TBPL2: variants seen among roughly 807,000 people sequenced by gnomAD.
TBPL2 encodes TATA-box binding protein like 2, also known as TATA box-binding protein-like 2.
TBPL2 carries 40 observed loss-of-function variants against 38.2 expected under a neutral mutation model. The ratio of observed to expected loss-of-function variants is 1.05; its 90% CI spans 0.81 to 1.36. The LOEUF (loss-of-function observed/expected upper bound fraction) is 1.36. Ranked by LOEUF, TBPL2 falls within the 40% of genes most tolerant of loss-of-function variation. TBPL2 has a pLI of 0.00. For missense variants in TBPL2, 461 were observed against 456.7 expected, an observed-to-expected ratio of 1.01 and a Z score of -0.09; for synonymous variants, 169 against 171.7, an observed-to-expected ratio of 0.98 and a Z score of 0.12.
chr14:55,422,888 T>C (rs553531262), intron 6 of TBPL2, among the ~76,000 whole-genome samples: 1 of 151,980 alleles, frequency 6.6e-6, no homozygotes, highest in Admixed American at 6.6e-5. Context: ...ACAATATATA[T>C]AGCAACCTTC....
At chr14:55,417,914 C>T (rs367589089) in intron 6 of TBPL2, among the ~76,000 whole-genome samples, 3 of 152,208 alleles carry the variant, frequency 2.0e-5, no homozygotes, top group African/African-American at 7.2e-5. Context: ...CTACCTCTAA[C>T]TAGCTTTAAA....
chr14:55,420,380 GAGTCT>G (rs1281683223), intron 6 of TBPL2, among the ~76,000 whole-genome samples: 3 of 152,208 alleles, frequency 2.0e-5, no homozygotes, highest in Non-Finnish European at 4.4e-5. Flanking sequence ...CGGGTGAAAA[GAGTCT>G]AGAGACACAG....
At chr14:55,429,080 T>A in intron 4 of TBPL2, 106 bp from the exon 5 acceptor site, 1 of 1,382,362 alleles carries the variant, frequency 7.2e-7, no homozygotes, top group Non-Finnish European at 9.9e-7. Context: ...TCTTTCAATG[T>A]ATACTATGAA....
intron 2 of TBPL2, 47 bp from the exon 3 acceptor site, chr14:55,435,981 A>T (rs1480171008): frequency 6.0e-6 from 3 of 503,900 alleles, no homozygotes; most frequent in Non-Finnish European, 8.3e-6. Context: ...TATAAAGAGT[A>T]AAAAAAAAAA....
chr14:55,415,650 A>AG (rs763121598), intron 6 of TBPL2, among the ~76,000 whole-genome samples: 4 of 152,148 alleles, frequency 2.6e-5, no homozygotes, highest in Non-Finnish European at 5.9e-5. Flanking sequence ...GGATCACCTG[A>AG]GGTCAGGAGT....
intron 6 of TBPL2, among the ~76,000 whole-genome samples, chr14:55,423,902 T>C (rs2140168646): frequency 6.6e-6 from 1 of 152,346 alleles, no homozygotes; most frequent in East Asian, 1.9e-4. Flanking sequence ...AAGCCATATA[T>C]GTTATCATGG....
chr14:55,423,569 C>A (rs937116147), intron 6 of TBPL2, among the ~76,000 whole-genome samples: 1 of 152,212 alleles, frequency 6.6e-6, no homozygotes, highest in African/African-American at 2.4e-5. Context: ...CTAAAGCCAT[C>A]CTGCTGCCTG....
chr14:55,418,365 A>G (rs1885697238), intron 6 of TBPL2, among the ~76,000 whole-genome samples: 1 of 152,204 alleles, frequency 6.6e-6, no homozygotes, highest in Admixed American at 6.5e-5. Context: ...TCAACCTCCA[A>G]TACTACGTGG....
chr14:55,437,525 G>T (rs1356452109), intron 1 of TBPL2, among the ~76,000 whole-genome samples: 1 of 152,158 alleles, frequency 6.6e-6, no homozygotes, highest in Admixed American at 6.6e-5. Context: ...AAACAGAAAA[G>T]AATATTTTAA....
intron 6 of TBPL2, among the ~76,000 whole-genome samples, chr14:55,420,546 G>T (rs1333185270): frequency 6.6e-6 from 1 of 152,160 alleles, no homozygotes; most frequent in Non-Finnish European, 1.5e-5. Context: ...GTAAGTCATG[G>T]ATTAACTTTT....
intron 2 of TBPL2, 136 bp from the exon 3 acceptor site, chr14:55,436,070 A>C (rs897106563): frequency 1.9e-6 from 1 of 525,436 alleles, no homozygotes; most frequent in African/African-American, 2.0e-5. Flanking sequence ...TGTGAAATAC[A>C]TGACATGATT....
intron 5 of TBPL2, among the ~76,000 whole-genome samples, chr14:55,425,251 T>C (rs1885802957): frequency 6.6e-6 from 1 of 152,126 alleles, no homozygotes; most frequent in Non-Finnish European, 1.5e-5. Context: ...AGGGAGCCTG[T>C]CAAGACTTTC....
chr14:55,440,108 A>T (rs1040183220), intron 1 of TBPL2, among the ~76,000 whole-genome samples: 1 of 151,818 alleles, frequency 6.6e-6, no homozygotes, highest in African/African-American at 2.4e-5. Flanking sequence ...AAATCAATCA[A>T]TCAATCAATC....
intron 6 of TBPL2, among the ~76,000 whole-genome samples, chr14:55,417,591 C>G (rs1208939073): frequency 6.6e-6 from 1 of 151,966 alleles, no homozygotes; most frequent in African/African-American, 2.4e-5. Context: ...TCCCAAGTAG[C>G]TGGGATTACA....
At chr14:55,432,525 A>G (rs1885947487) in intron 4 of TBPL2, among the ~76,000 whole-genome samples, 1 of 136,660 alleles carries the variant, frequency 7.3e-6, no homozygotes, top group Admixed American at 6.7e-5. Flanking sequence ...TAGTTAACAA[A>G]ACAAAAACAA....
chr14:55,432,895 C>T (rs556195786), intron 4 of TBPL2, among the ~76,000 whole-genome samples: 6 of 152,276 alleles, frequency 3.9e-5, no homozygotes, highest in Non-Finnish European at 8.8e-5. Flanking sequence ...TAAGGGATGC[C>T]TCCTGAGCTA....
chr14:55,418,562 C>T (rs1885700709), intron 6 of TBPL2, among the ~76,000 whole-genome samples: 1 of 152,166 alleles, frequency 6.6e-6, no homozygotes, highest in South Asian at 2.1e-4. Flanking sequence ...AATTGGGAGG[C>T]ACATCCTGTC....
intron 4 of TBPL2, among the ~76,000 whole-genome samples, chr14:55,429,898 C>T (rs1048223342): frequency 6.6e-6 from 1 of 151,492 alleles, no homozygotes; most frequent in African/African-American, 2.4e-5. Flanking sequence ...GTTCTTGAGT[C>T]TTTATTGGAC....
intron 5 of TBPL2, among the ~76,000 whole-genome samples, chr14:55,427,066 T>A (rs1247038375): frequency 6.6e-6 from 1 of 152,220 alleles, no homozygotes; most frequent in African/African-American, 2.4e-5. Context: ...AAAGATAGGC[T>A]GGAGGCTCGT....
Sources: allele counts gnomAD v4.1 joint callset (sites outside exome capture counted in the v4.1 genomes callset), GRCh38; gene constraint gnomAD v4.1.1; transcripts MANE v1.5; gene names NCBI Gene and HGNC (gene_info 2026-07-23, HGNC 2026-07-21).